JAZF1: variants seen among roughly 807,000 people sequenced by gnomAD.
JAZF1 encodes JAZF zinc finger 1.
JAZF1 carries 8 observed loss-of-function variants against 26.4 expected under a neutral mutation model. The ratio of observed to expected loss-of-function variants is 0.30; its 90% confidence interval spans 0.18 to 0.55. The LOEUF is 0.55. Among genes scored for constraint, JAZF1 ranks in the 20% least tolerant of loss-of-function variants. The probability of loss-of-function intolerance (pLI) is 0.94; values close to 1 mark genes in which losing one functional copy is unlikely to be tolerated. For missense variants in JAZF1, 199 were observed against 322.0 expected, an observed-to-expected ratio of 0.62 and a Z score of 2.92; for synonymous variants, 126 against 122.3, an observed-to-expected ratio of 1.03 and a Z score of -0.20.
At chr7:27,935,763 G>A (rs1784755761) in intron 2 of JAZF1, among the ~76,000 whole-genome samples, 1 of 152,178 alleles carries the variant, frequency 6.6e-6, no homozygotes, top group African/African-American at 2.4e-5. Flanking sequence ...CAAAATAGAA[G>A]GTATTGTTTA....
At chr7:28,086,695 G>A (rs1233502298) in intron 1 of JAZF1, among the ~76,000 whole-genome samples, 3 of 152,136 alleles carry the variant, frequency 2.0e-5, no homozygotes, top group Admixed American at 6.5e-5. Flanking sequence ...GGTCAGTGGA[G>A]GAGACATCAA....
rs73299436 is a variant in JAZF1, at chr7:27,897,713, G to A, written c.189-2297C>T. ...CAGAATGGGGAGCTATGCCCAGAGC[G>A]TGTTTCAAGAGCTTTGGCTCCTATG... On this transcript the variant is annotated intron_variant, in intron 2 of 4. Transcript: ENST00000283928. Among the ~76,000 whole-genome samples, 468 of 152,300 alleles carry A rather than the reference G, an allele frequency of 3.1e-3. 2 individuals carry two copies. Among genetic ancestry groups the A allele is most frequent in the African/African-American group, 0.011 (440 of 41,554 alleles).
At chr7:28,085,895 T>G (rs923822681) in intron 1 of JAZF1, among the ~76,000 whole-genome samples, 2 of 152,232 alleles carry the variant, frequency 1.3e-5, no homozygotes, top group Admixed American at 6.5e-5. Flanking sequence ...TATTTACACC[T>G]GCTGTGGTCA....
chr7:27,926,905 A>G (rs367867994), intron 2 of JAZF1, among the ~76,000 whole-genome samples: 2 of 152,332 alleles, frequency 1.3e-5, no homozygotes, highest in East Asian at 1.9e-4. Flanking sequence ...CAGCATTGAT[A>G]TCATGACAAC....
intron 2 of JAZF1, among the ~76,000 whole-genome samples, chr7:27,962,389 A>C (rs528220407): frequency 2.6e-5 from 4 of 152,334 alleles, no homozygotes; most frequent in African/African-American, 9.6e-5. Context: ...CACAGTTCAT[A>C]TGCATCACTT....
At chr7:27,897,153 T>C (rs1411548822) in intron 2 of JAZF1, among the ~76,000 whole-genome samples, 4 of 152,108 alleles carry the variant, frequency 2.6e-5, no homozygotes, top group Non-Finnish European at 4.4e-5. Flanking sequence ...GGGTATGCAG[T>C]GCGCCAGGGA....
At chr7:28,087,467 A>G (rs1195202412) in intron 1 of JAZF1, among the ~76,000 whole-genome samples, 1 of 152,182 alleles carries the variant, frequency 6.6e-6, no homozygotes, top group Admixed American at 6.5e-5. Flanking sequence ...TTTTTGATAT[A>G]AAGTTTACAT....
At position 27,964,210 on chromosome 7, in the gene JAZF1, C is replaced by T. The variant is rs564569368; in HGVS notation, c.188+27699G>A. On this transcript the variant is annotated intron_variant, in intron 2 of 4. Coordinates refer to ENST00000283928, the MANE Select transcript of JAZF1 (RefSeq NM_175061.4). ...ACATCTGTATCCTTTTTCCCCAGTCCAACCACTTCTGAGAAAAGGTTCTAT... is the reference window on the plus strand; with the variant it reads ...ACATCTGTATCCTTTTTCCCCAGTCTAACCACTTCTGAGAAAAGGTTCTAT... 3.8e-3 allele frequency among the ~76,000 whole-genome samples: 572 copies of T among 152,182 alleles called. 2 individuals carry two copies. Among genetic ancestry groups the T allele is most frequent in the African/African-American group, 0.014 (562 of 41,538 alleles).
intron 1 of JAZF1, among the ~76,000 whole-genome samples, chr7:28,077,134 A>AT (rs1343425708): frequency 6.6e-6 from 1 of 152,234 alleles, no homozygotes; most frequent in Admixed American, 6.5e-5. Flanking sequence ...ATGAAAAATT[A>AT]TAACACCGGC....
At chr7:28,092,741 T>TC (rs1030893756) in intron 1 of JAZF1, among the ~76,000 whole-genome samples, 2 of 151,756 alleles carry the variant, frequency 1.3e-5, no homozygotes, top group Admixed American at 1.3e-4. Context: ...GTGCCTGCAG[T>TC]CCCAGCCACT....
At chr7:27,960,167 T>A (rs963727205) in intron 2 of JAZF1, among the ~76,000 whole-genome samples, 1 of 152,224 alleles carries the variant, frequency 6.6e-6, no homozygotes, top group Non-Finnish European at 1.5e-5. Flanking sequence ...ACATGAAATC[T>A]TCCCAGTTAG....
At chr7:27,987,040 C>G (rs1309826796) in intron 2 of JAZF1, among the ~76,000 whole-genome samples, 3 of 152,142 alleles carry the variant, frequency 2.0e-5, no homozygotes, top group African/African-American at 7.2e-5. Flanking sequence ...CTTGGCCTCC[C>G]AAAGTGCTGA....
intron 1 of JAZF1, among the ~76,000 whole-genome samples, chr7:28,091,108 G>A (rs924837045): frequency 6.6e-6 from 1 of 150,732 alleles, no homozygotes; most frequent in African/African-American, 2.4e-5. Flanking sequence ...TTACAGGCGT[G>A]AGCCACCGCG....
chr7:27,959,785 A>C (rs907505738), intron 2 of JAZF1, among the ~76,000 whole-genome samples: 3 of 152,108 alleles, frequency 2.0e-5, no homozygotes, highest in African/African-American at 7.2e-5. Flanking sequence ...CTGTAATCCC[A>C]ACTACTTGGG....
chr7:27,890,596 G>C (rs569500108), intron 3 of JAZF1, among the ~76,000 whole-genome samples: 1 of 152,250 alleles, frequency 6.6e-6, no homozygotes, highest in South Asian at 2.1e-4. Context: ...GACAGACATG[G>C]ATGTGTCAAG....
chr7:27,862,752 T>G (rs918866058), intron 3 of JAZF1, among the ~76,000 whole-genome samples: 1 of 152,216 alleles, frequency 6.6e-6, no homozygotes, highest in Non-Finnish European at 1.5e-5. Flanking sequence ...CTCACCTCTA[T>G]CTTTATCTTT....
At chr7:27,855,434 C>T (rs546706283) in intron 3 of JAZF1, among the ~76,000 whole-genome samples, 210 of 152,052 alleles carry the variant, frequency 1.4e-3, no homozygotes, top group Non-Finnish European at 2.3e-3. Flanking sequence ...AATCCAGGAG[C>T]TGGTTTTTTG....
chr7:27,901,883 T>C (rs989873064), intron 2 of JAZF1, among the ~76,000 whole-genome samples: 2 of 152,210 alleles, frequency 1.3e-5, no homozygotes, highest in Non-Finnish European at 2.9e-5. Flanking sequence ...ATTCCAGCAA[T>C]AGCACTGTGC....
At chr7:27,940,287 C>T (rs896066215) in intron 2 of JAZF1, among the ~76,000 whole-genome samples, 13 of 36,994 alleles carry the variant, frequency 3.5e-4, no homozygotes, top group Admixed American at 2.2e-3. Flanking sequence ...CGGGTCACGG[C>T]GGTGTGGTGG....
Sources: gnomAD v4.1 joint callset for allele counts (sites outside exome capture counted in the v4.1 genomes callset) on GRCh38, gnomAD v4.1.1 for gene constraint, MANE v1.5 for transcripts, NCBI Gene and HGNC (gene_info 2026-07-23, HGNC 2026-07-21) for gene names.